Variants in TJP3 observed in about 807,000 individuals in gnomAD.
TJP3 encodes the protein tight junction protein ZO-3.
Under a neutral mutation model 104.2 loss-of-function variants are expected in TJP3, and 85 were observed. The observed-to-expected ratio is 0.82, with a 90% CI of 0.68 to 0.98. The LOEUF is 0.98. Ranked by LOEUF, TJP3 falls within the 50% of genes least tolerant of loss-of-function variation. The pLI, the probability that TJP3 is intolerant of heterozygous loss-of-function variation, is 0.00. For missense variants in TJP3, 1,367 were observed against 1,322.8 expected (o/e 1.03, Z -0.52); for synonymous variants, 550 against 550.6 (o/e 1.00, Z 0.02).
At chr19:3,718,592 C>G (rs539771507) in intron 1 of TJP3, among the ~76,000 whole-genome samples, 17 of 151,780 alleles carry the variant, frequency 1.1e-4, no homozygotes, top group African/African-American at 3.6e-4. Flanking sequence ...CCTCAGCCTC[C>G]CTAGTAGCTG....
chr19:3,711,627 T>G (rs957467477), intron 1 of TJP3, among the ~76,000 whole-genome samples: 2 of 143,600 alleles, frequency 1.4e-5, no homozygotes, highest in African/African-American at 5.0e-5. Flanking sequence ...ATGCGGTGGC[T>G]CACGCCTGTA....
At chr19:3,721,135 C>A (rs1337503870) in intron 1 of TJP3, among the ~76,000 whole-genome samples, 4 of 152,032 alleles carry the variant, frequency 2.6e-5, no homozygotes, top group Admixed American at 6.6e-5. Flanking sequence ...CTGCTGACCT[C>A]GTGATCCGCT....
Position 3,728,454 on chromosome 19 carries a change from G to A in TJP3, c.22G>A (p.Glu8Lys). Residue 8 changes from glutamate to lysine, a missense_variant, in exon 2 of 21, where the codon GAA becomes AAA. Transcript: ENST00000541714. MEELTIW[E>K]QHTATLSKDP... The stretch of plus-strand genomic sequence containing the variant: ...TGACATGGAGGAGCTGACCATCTGG[G>A]AACAGCACACGGCCACACTGTCCAA... 1 of 1,613,802 alleles carries A rather than the reference G, an allele frequency of 6.2e-7. No homozygotes were observed. The highest frequency in any genetic ancestry group is 8.5e-7 in the Non-Finnish European group (1 of 1,179,914).
At position 3,743,961 on chromosome 19, in the gene TJP3, G is replaced by C; in HGVS notation, c.1866G>C (p.Val622=). The change falls in exon 15 of 21, where the codon GTG becomes GTC. Residue 622 remains valine (V), a synonymous_variant. Transcript: ENST00000541714. The stretch of plus-strand genomic sequence containing the variant: ...CAGCCAGTTTCAAGCGCCCGGTAGT[G>C]ATCCTGGGACCCGTGGCCGACATTG... ...LREASFKRPV[V]ILGPVADIAM... is the part of the protein sequence containing the mutation. 6.2e-7 allele frequency: 1 copy of C among 1,614,160 alleles called. No homozygotes were observed. Among genetic ancestry groups the C allele is most frequent in the East Asian group, 2.2e-5 (1 of 44,892 alleles).
In TJP3 at chr19:3,739,015, G is replaced by T; in HGVS notation, c.1512G>T (p.Val504=). 4.3e-6 allele frequency: 7 copies of T among 1,612,850 alleles called. No individual in the cohort carries two copies. The South Asian group carries it at 7.7e-5, about 18-fold the overall frequency. Residue 504 remains valine, a synonymous_variant, in exon 13 of 21, where the codon GTG becomes GTT. Transcript: ENST00000541714. ...TCACCCGTGGCGACGTCTTCCACGT[G>T]CTGGACACGCTGCACCCCGGCCCCG... ...LGFTRGDVFH[V]LDTLHPGPGQ...
chr19:3,735,981 C>T (rs774178671), intron 10 of TJP3, 46 bp downstream of exon 10: 1 of 1,609,200 alleles, frequency 6.2e-7, no homozygotes, highest in South Asian at 1.1e-5. Flanking sequence ...CTCCTACATC[C>T]CAGGCTGCCT....
intron 11 of TJP3, among the ~76,000 whole-genome samples, chr19:3,737,023 G>C (rs2036747636): frequency 6.6e-6 from 1 of 150,830 alleles, no homozygotes; most frequent in African/African-American, 2.4e-5. Flanking sequence ...GGGATCACAG[G>C]TGGCCGCCAC....
chr19:3,733,962 G>A lies in TJP3; in HGVS notation c.877+50G>A, dbSNP rs114271931. ...GGGAGGGGGTTGAATGGATGGCAGG[G>A]AAGGTGGGAAGCCCCAGGCAGGGCC... On this transcript the variant is annotated intron_variant, in intron 7 of 20. Transcript: ENST00000541714. The A allele has an allele frequency of 3.9e-3, 6,198 of 1,586,154 alleles. 248 individuals are homozygous for A. The African/African-American group carries it at 0.074, about 19-fold the overall frequency.
At chr19:3,714,559 G>A (rs532250673) in intron 1 of TJP3, among the ~76,000 whole-genome samples, 1 of 152,188 alleles carries the variant, frequency 6.6e-6, no homozygotes, top group South Asian at 2.1e-4. Flanking sequence ...CACAGTGGAA[G>A]CCCACAGTCT....
rs1211078450 is a variant in TJP3 at position 3,746,215 on chromosome 19, C to A, written c.2010+134C>A. 2.8e-5 allele frequency: 27 copies of A among 951,288 alleles called. No homozygotes were observed. The highest frequency in any genetic ancestry group is 2.4e-5 in the Non-Finnish European group (15 of 632,332). The allele number at this position is 951,288 out of a possible 1,614,324, so 58.9% of individuals were successfully genotyped here. ...TCTTCCATAGAGCCCCTTTTGGAGG[C>A]TTTGTGAGGCAGGAGGCCCGAGACA... On this transcript the variant is annotated intron_variant, in intron 16 of 20. Transcript: ENST00000541714. The surrounding 1 kb of genome is among the most constrained non-coding windows in gnomAD (Gnocchi z 4.1).
intron 19 of TJP3, 147 bp downstream of exon 19, chr19:3,748,228 G>A: frequency 1.9e-6 from 2 of 1,032,820 alleles, no homozygotes; most frequent in Non-Finnish European, 2.7e-6. Flanking sequence ...CTCAGACCTG[G>A]GGTAGCTGAG....
At chr19:3,733,095 G>T (rs551384283) in intron 6 of TJP3, among the ~76,000 whole-genome samples, 8 of 151,628 alleles carry the variant, frequency 5.3e-5, no homozygotes, top group African/African-American at 1.9e-4. Flanking sequence ...GAGTGCAGTG[G>T]CGGGATCTTG....
intron 15 of TJP3, among the ~76,000 whole-genome samples, chr19:3,744,664 A>C (rs954414628): frequency 9.4e-5 from 14 of 149,624 alleles, no homozygotes; most frequent in Non-Finnish European, 1.9e-4. Flanking sequence ...CTCTGTCAAA[A>C]AAAAAAAAAA....
Position 3,730,607 on chromosome 19 carries a change from AAC to A in TJP3, c.515_516del (p.Asn172ArgfsTer9), listed in dbSNP as rs1448415843. 1 of 1,611,494 alleles carries A rather than the reference AAC, an allele frequency of 6.2e-7. No homozygotes were observed. The highest frequency in any genetic ancestry group is 1.3e-5 in the African/African-American group (1 of 74,934). ...RRSPGGGSEA[N>X]GLALVSGFKR... is the part of the protein sequence containing the mutation. Reference sequence around the variant, plus strand: ...GAGCCCAGGTGGTGGCTCTGAGGCCAACGGGCTGGCCCTGGTGTCCGGCTTTA... The same window carrying A: ...GAGCCCAGGTGGTGGCTCTGAGGCCAGGGCTGGCCCTGGTGTCCGGCTTTA... On this transcript the variant is annotated frameshift_variant, in exon 5 of 21. Transcript: ENST00000541714. LOFTEE classifies it high-confidence loss of function. This position sits in a 1 kb window ranked among gnomAD's most constrained non-coding sequence, Gnocchi z 7.3.
At position 3,728,815 on chromosome 19, in the gene TJP3, G is replaced by A. The variant is rs1351252356; in HGVS notation, c.158+102G>A. The A allele has an allele frequency of 3.2e-6, 4 of 1,249,324 alleles. No individual in the cohort carries two copies. In the South Asian group the frequency reaches 4.0e-5, roughly 13 times the overall value. The allele number at this position is 1,249,324 out of a possible 1,614,324, so 77.4% of individuals were successfully genotyped here. The stretch of plus-strand genomic sequence containing the variant: ...CACCCGTCATCCCAGCACTTTGCGA[G>A]GCTGAAGTGGGCGGATCACCTGAGT... On this transcript the variant is annotated intron_variant, in intron 3 of 20. Coordinates refer to ENST00000541714, the MANE Select transcript of TJP3 (RefSeq NM_001267560.2).
Position 3,730,029 on chromosome 19 carries a change from A to G in TJP3, c.160A>G (p.Thr54Ala). 1 of 1,613,762 alleles carries G rather than the reference A, an allele frequency of 6.2e-7. No homozygotes were observed. Among genetic ancestry groups the G allele is most frequent in the Non-Finnish European group, 8.5e-7 (1 of 1,179,806 alleles). Reference protein sequence around the residue: ...PGGPAEGRLQTGDHIVMVNGV... With the variant: ...PGGPAEGRLQAGDHIVMVNGV... Reference sequence around the variant, plus strand: ...GTAAGACCCGCCCTCCTCTCTCAGGACAGGCGACCACATCGTCATGGTGAA... The same window carrying G: ...GTAAGACCCGCCCTCCTCTCTCAGGGCAGGCGACCACATCGTCATGGTGAA... Residue 54 changes from threonine to alanine, a missense_variant and splice_region_variant, in exon 4 of 21, where the codon ACA becomes GCA. Physicochemically the swap from Thr to Ala is moderately conservative, Grantham distance 58 (BLOSUM62 0). Transcript: ENST00000541714. The surrounding 1 kb of genome is among the most constrained non-coding windows in gnomAD (Gnocchi z 7.3).
intron 1 of TJP3, among the ~76,000 whole-genome samples, chr19:3,719,194 G>A (rs1056340888): frequency 6.6e-6 from 1 of 151,936 alleles, no homozygotes; most frequent in South Asian, 2.1e-4. Flanking sequence ...GGGGGTGGTG[G>A]ACATCGCTGG....
chr19:3,721,306 G>A (rs2145671351), intron 1 of TJP3, among the ~76,000 whole-genome samples: 1 of 152,246 alleles, frequency 6.6e-6, no homozygotes, highest in African/African-American at 2.4e-5. Context: ...CAGAGTCCAC[G>A]CCTCTGGCCT....
At chr19:3,725,710 A>T (rs2036589542) in intron 1 of TJP3, among the ~76,000 whole-genome samples, 1 of 151,716 alleles carries the variant, frequency 6.6e-6, no homozygotes, top group South Asian at 2.1e-4. Flanking sequence ...AAAAAAAAAA[A>T]ACTACACAAG....
Sources: gnomAD v4.1 joint callset for allele counts (sites outside exome capture counted in the v4.1 genomes callset) on GRCh38, gnomAD v4.1.1 for gene constraint, Gnocchi (gnomAD v3.1) non-coding constraint, MANE v1.5 for transcripts, NCBI Gene and HGNC (gene_info 2026-07-23, HGNC 2026-07-21) for gene names.